VCP: variants seen among roughly 807,000 people sequenced by gnomAD.
VCP encodes valosin containing protein.
A neutral mutation model predicts 85.7 loss-of-function variants in VCP; 6 were observed. That is an observed-to-expected ratio of 0.07 (90% CI 0.04 to 0.14). The LOEUF (loss-of-function observed/expected upper bound fraction) is 0.14. Ranked by LOEUF, VCP falls within the 10% of genes least tolerant of loss-of-function variation. VCP has a pLI of 1.00. For missense variants in VCP, 353 were observed against 1,043.4 expected, an observed-to-expected ratio of 0.34 and a Z score of 9.12; for synonymous variants, 384 against 367.1, an observed-to-expected ratio of 1.05 and a Z score of -0.53.
chr9:35,067,838 T>C (rs755848917), intron 3 of VCP, 53 bp downstream of exon 3: 6 of 1,610,634 alleles, frequency 3.7e-6, no homozygotes, highest in Non-Finnish European at 5.1e-6. Flanking sequence ...CTGCCTGTAA[T>C]GCAGGCTATC....
intron 8 of VCP, 22 bp downstream of exon 8, chr9:35,062,195 A>G: frequency 1.2e-6 from 2 of 1,614,018 alleles, no homozygotes; most frequent in Non-Finnish European, 1.7e-6. Context: ...ACCCCCCTCT[A>G]TCCCCTCAGG....
chr9:35,068,245 G>C lies in VCP; in HGVS notation c.129+6C>G, dbSNP rs1215617851. 1 of 1,613,568 alleles carries C rather than the reference G, an allele frequency of 6.2e-7. No homozygotes were observed. Among genetic ancestry groups the C allele is most frequent in the African/African-American group, 1.3e-5 (1 of 74,916 alleles). The stretch of plus-strand genomic sequence containing the variant: ...AAGGAAAGACTAGTCTGTGGCCACA[G>C]CTTACCTGGGACAAGGACACCACAC... On this transcript the variant is annotated splice_donor_region_variant and intron_variant, in intron 2 of 16. Coordinates refer to ENST00000358901, the MANE Select transcript of VCP (RefSeq NM_007126.5).
chr9:35,060,510 G>A lies in VCP; in HGVS notation c.1498C>T (p.Pro500Ser). The A allele has an allele frequency of 6.2e-7, 1 of 1,614,112 alleles. No individual in the cohort carries two copies. The highest frequency in any genetic ancestry group is 1.1e-5 in the South Asian group (1 of 91,088). The change falls in exon 13 of 17, where the codon CCA becomes TCA. Residue 500 changes from proline (P) to serine (S), a missense_variant. By Grantham distance (74) the Pro-to-Ser change is moderately conservative. Around this residue, in one of 8 missense-constraint regions of VCP, gnomAD observed 18 missense variants for 71.2 expected, o/e 0.25. Transcript: ENST00000358901. Reference sequence around the variant, plus strand: ...ATGCCAAACTTCAGGAATTTGTCTGGGTGCTCCACAGGATACTAGGAGGAA... The same window carrying A: ...ATGCCAAACTTCAGGAATTTGTCTGAGTGCTCCACAGGATACTAGGAGGAA... ...QELVQYPVEH[P>S]DKFLKFGMTP...
In VCP at chr9:35,057,090, A is replaced by AG; in HGVS notation, c.*26dup. On this transcript the variant is annotated 3_prime_UTR_variant, in exon 17 of 17. Coordinates refer to ENST00000358901, the MANE Select transcript of VCP (RefSeq NM_007126.5). ...CCAGGGAACAAGGTCCAGGCAGGCCAGCTCACTGCACGCTGGCCACCACCA... is the reference window on the plus strand; with the variant it reads ...CCAGGGAACAAGGTCCAGGCAGGCCAGGCTCACTGCACGCTGGCCACCACCA... The AG allele has an allele frequency of 6.2e-7, 1 of 1,611,798 alleles. No individual in the cohort carries two copies. Among genetic ancestry groups the AG allele is most frequent in the Non-Finnish European group, 8.5e-7 (1 of 1,178,344 alleles).
At chr9:35,070,117 C>G (rs1011868098) in intron 1 of VCP, among the ~76,000 whole-genome samples, 1 of 152,204 alleles carries the variant, frequency 6.6e-6, no homozygotes, top group Admixed American at 6.5e-5. Flanking sequence ...CTTCTGCTAA[C>G]CCTCACACAT....
chr9:35,067,881 C>CCA lies in VCP; in HGVS notation c.302+8_302+9dup, dbSNP rs748148701. On this transcript the variant is annotated intron_variant, in intron 3 of 16. Coordinates refer to ENST00000358901, the MANE Select transcript of VCP (RefSeq NM_007126.5). Reference sequence around the variant, plus strand: ...TCCCATCCCTGTGAAGCCAAAAACCCCACACACACCTGATGACATCCCCTA... The same window carrying CCA: ...TCCCATCCCTGTGAAGCCAAAAACCCCACACACACACCTGATGACATCCCCTA... The CCA allele has an allele frequency of 2.8e-5, 45 of 1,614,040 alleles. No individual in the cohort carries two copies. Among genetic ancestry groups the CCA allele is most frequent in the Non-Finnish European group, 3.6e-5 (43 of 1,180,042 alleles).
rs767762212 is a variant in VCP, at chr9:35,059,165, G to A, written c.2059C>T (p.Leu687=). 3.1e-6 allele frequency: 5 copies of A among 1,614,084 alleles called. No individual in the cohort carries two copies. The highest frequency in any genetic ancestry group is 1.7e-5 in the Admixed American group (1 of 60,018). ...CAAGCACGCTGGCAAATCTCTGTCA[G>A]GTCAGCTCCAGAGAAGCCATTAGTC... ...KMTNGFSGAD[L]TEICQRACKL... The change falls in exon 15 of 17, where the codon CTG becomes TTG. Residue 687 remains leucine (L), a synonymous_variant. Coordinates refer to ENST00000358901, the MANE Select transcript of VCP (RefSeq NM_007126.5). The surrounding 1 kb of genome is among the most constrained non-coding windows in gnomAD (Gnocchi z 4.9).
Position 35,064,134 on chromosome 9 carries a change from C to T in VCP, c.708+20G>A, listed in dbSNP as rs369524577. 3.2e-5 allele frequency: 51 copies of T among 1,613,952 alleles called. No individual in the cohort carries two copies. Among genetic ancestry groups the T allele is most frequent in the Non-Finnish European group, 3.8e-5 (45 of 1,180,004 alleles). On this transcript the variant is annotated intron_variant, in intron 6 of 16. Coordinates refer to ENST00000358901, the MANE Select transcript of VCP (RefSeq NM_007126.5). ...CATTGGCACCACTTTAGACTTGATT[C>T]CAGAGCCCAGGATGCTCACCTTCAC...
rs765596863 is a variant in VCP at position 35,059,754 on chromosome 9, C to G, written c.1743G>C (p.Ser581=). 6.2e-7 allele frequency: 1 copy of G among 1,614,100 alleles called. No homozygotes were observed. The highest frequency in any genetic ancestry group is 8.5e-7 in the Non-Finnish European group (1 of 1,180,012). Residue 581 remains serine (S), a synonymous_variant, in exon 14 of 17, where the codon TCG becomes TCC. Transcript: ENST00000358901. This position sits in a 1 kb window ranked among gnomAD's most constrained non-coding sequence, Gnocchi z 4.9. ...PCVLFFDELD[S]IAKARGGNIG... is the part of the protein sequence containing the mutation. ...TGTTACCTCCACGAGCCTTGGCAAT[C>G]GAATCCAGCTCATCAAAGAATAGCA...
At chr9:35,064,766 G>C (rs1405495876) in intron 5 of VCP, among the ~76,000 whole-genome samples, 1 of 152,192 alleles carries the variant, frequency 6.6e-6, no homozygotes, top group African/African-American at 2.4e-5. Context: ...CTAGTTTTTT[G>C]AAATTCCTGG....
rs1366834684 is a variant in VCP, at chr9:35,060,929, AAAG to A, written c.1360-9_1360-7del. 6.2e-7 allele frequency: 1 copy of A among 1,614,046 alleles called. No homozygotes were observed. Among genetic ancestry groups the A allele is most frequent in the East Asian group, 2.2e-5 (1 of 44,882 alleles). ...TTACTCTGGCTCAAGGCCCACTAGA[AAAG>A]GAGGGAAAACTGGGGATGAGACTTA... On this transcript the variant is annotated splice_polypyrimidine_tract_variant and splice_region_variant and intron_variant, in intron 11 of 16. Coordinates refer to ENST00000358901, the MANE Select transcript of VCP (RefSeq NM_007126.5).
intron 4 of VCP, among the ~76,000 whole-genome samples, 192 bp from the exon 5 acceptor site, chr9:35,065,573 A>G (rs896131225): frequency 1.3e-5 from 2 of 152,250 alleles, no homozygotes; most frequent in Non-Finnish European, 1.5e-5. Flanking sequence ...TAAACTGTGA[A>G]GAGTCCCTCT....
intron 1 of VCP, 189 bp downstream of exon 1, chr9:35,072,148 G>C: frequency 7.2e-7 from 1 of 1,396,058 alleles, no homozygotes; most frequent in Non-Finnish European, 9.2e-7. Context: ...TAGGGGGCGC[G>C]CGGGTGCGCA....
At chr9:35,062,372 A>G in intron 7 of VCP, 22 bp from the exon 8 acceptor site, 1 of 1,614,032 alleles carries the variant, frequency 6.2e-7, no homozygotes, top group Non-Finnish European at 8.5e-7. Context: ...CAGAATGGAG[A>G]CAATAACAAA....
At chr9:35,062,946 T>C (rs1828754708) in intron 7 of VCP, 32 bp downstream of exon 7, 1 of 1,611,902 alleles carries the variant, frequency 6.2e-7, no homozygotes, top group Admixed American at 1.7e-5. Flanking sequence ...AAATTGGGTC[T>C]AGCTAGACAT....
chr9:35,062,133 A>AT lies in VCP; in HGVS notation c.950dup (p.His317GlnfsTer38), dbSNP rs1563977986. The AT allele has an allele frequency of 6.2e-7, 1 of 1,614,156 alleles. No homozygotes were observed. Among genetic ancestry groups the AT allele is most frequent in the Non-Finnish European group, 8.5e-7 (1 of 1,180,026 alleles). On this transcript the variant is annotated frameshift_variant, in exon 9 of 17. Transcript: ENST00000358901. LOFTEE classifies it high-confidence loss of function. ...ATACAATGCGCCGCTCCACCTCGCC[A>AT]TGAGTCTGCCAGAACAGGATGTCTG...
At chr9:35,072,112 G>A (rs1828964815) in intron 1 of VCP, 4 of 1,355,588 alleles carry the variant, frequency 3.0e-6, no homozygotes, top group South Asian at 1.7e-5. Context: ...CCCAGGCTCC[G>A]ACCCGGACCC....
intron 7 of VCP, 59 bp downstream of exon 7, chr9:35,062,919 C>T: frequency 8.4e-6 from 13 of 1,548,618 alleles, no homozygotes; most frequent in Non-Finnish European, 1.2e-5. Flanking sequence ...AGTGCTCCAG[C>T]TCATAAGCCC....
intron 5 of VCP, 79 bp from the exon 6 acceptor site, chr9:35,064,364 C>T: frequency 6.3e-7 from 1 of 1,588,066 alleles, no homozygotes; most frequent in South Asian, 1.1e-5. Context: ...AATCATTCCA[C>T]TACCTAGTGT....
Sources: gnomAD v4.1 joint callset for allele counts (sites outside exome capture counted in the v4.1 genomes callset) on GRCh38, gnomAD v4.1.1 for gene constraint, gnomAD v4.1.1 regional missense constraint, Gnocchi (gnomAD v3.1) non-coding constraint, MANE v1.5 for transcripts, NCBI Gene and HGNC (gene_info 2026-07-23, HGNC 2026-07-21) for gene names.